The following SKAP2 variants were observed in gnomAD, a reference collection of about 807,000 sequenced individuals.
SKAP2 encodes src kinase associated phosphoprotein 2, also known as src kinase-associated phosphoprotein 2.
In SKAP2, 28 loss-of-function variants were observed where a neutral mutation model predicts 54.9. That is an observed-to-expected ratio of 0.51 (90% CI 0.38 to 0.70). The LOEUF (loss-of-function observed/expected upper bound fraction) is 0.70, where lower values mean the gene tolerates loss of function less well. Ranked by LOEUF, SKAP2 falls within the 30% of genes least tolerant of loss-of-function variation. The pLI is 0.00. For missense variants in SKAP2, 356 were observed against 424.1 expected (o/e 0.84, Z 1.41); for synonymous variants, 137 against 134.3 (o/e 1.02, Z -0.14).
intron 4 of SKAP2, among the ~76,000 whole-genome samples, chr7:26,781,590 T>C (rs10265607): frequency 0.077 from 11,702 of 152,290 alleles, 573 homozygotes; most frequent in Middle Eastern, 0.16. Context: ...GCATTCTCCC[T>C]AGGCTTTGTG....
intron 4 of SKAP2, among the ~76,000 whole-genome samples, chr7:26,806,193 T>C (rs1401310775): frequency 6.6e-6 from 1 of 152,162 alleles, no homozygotes; most frequent in Non-Finnish European, 1.5e-5. Flanking sequence ...ATAACAATAT[T>C]GAAATTAGGC....
At chr7:26,780,757 G>A (rs10246300) in intron 4 of SKAP2, among the ~76,000 whole-genome samples, 11,771 of 152,008 alleles carry the variant, frequency 0.077, 579 homozygotes, top group Middle Eastern at 0.16. Flanking sequence ...CAAAGTAATT[G>A]TGATCAGCTT....
At chr7:26,764,579 TTC>T (rs1398875741) in intron 4 of SKAP2, among the ~76,000 whole-genome samples, 6 of 152,082 alleles carry the variant, frequency 3.9e-5, no homozygotes, top group Non-Finnish European at 8.8e-5. Flanking sequence ...TCTTCTTTTT[TTC>T]TTTTATCTTT....
chr7:26,812,242 A>G (rs1404369122), intron 4 of SKAP2, among the ~76,000 whole-genome samples: 1 of 152,162 alleles, frequency 6.6e-6, no homozygotes, highest in Non-Finnish European at 1.5e-5. Flanking sequence ...AAATAGAGTG[A>G]TGGTCATATT....
At chr7:26,795,380 T>A (rs1783754494) in intron 4 of SKAP2, among the ~76,000 whole-genome samples, 1 of 152,218 alleles carries the variant, frequency 6.6e-6, no homozygotes, top group African/African-American at 2.4e-5. Context: ...TTGAATAAGA[T>A]CAAATTATCT....
At chr7:26,785,910 C>T (rs1481575146) in intron 4 of SKAP2, among the ~76,000 whole-genome samples, 1 of 152,178 alleles carries the variant, frequency 6.6e-6, no homozygotes, top group Non-Finnish European at 1.5e-5. Context: ...CCCATACAGG[C>T]CCTGGGAGCA....
intron 4 of SKAP2, among the ~76,000 whole-genome samples, chr7:26,825,270 C>A (rs1047757740): frequency 2.0e-5 from 3 of 152,100 alleles, no homozygotes; most frequent in African/African-American, 7.2e-5. Flanking sequence ...ATGTATCCTC[C>A]TTTTCCCCAC....
chr7:26,831,395 G>A (rs1423754564), intron 4 of SKAP2, among the ~76,000 whole-genome samples: 1 of 152,046 alleles, frequency 6.6e-6, no homozygotes, highest in Non-Finnish European at 1.5e-5. Context: ...TGTGTATATG[G>A]AATCCCTAAA....
At chr7:26,825,851 A>G (rs928016255) in intron 4 of SKAP2, among the ~76,000 whole-genome samples, 2 of 152,166 alleles carry the variant, frequency 1.3e-5, no homozygotes, top group Admixed American at 6.5e-5. Flanking sequence ...ATGTATATCT[A>G]TAACTATTAT....
chr7:26,796,889 C>T (rs1283006548), intron 4 of SKAP2, among the ~76,000 whole-genome samples: 1 of 152,130 alleles, frequency 6.6e-6, no homozygotes. Context: ...GTTGACATCC[C>T]TAAACCCTCA....
chr7:26,726,248 A>T (rs1281736163), intron 7 of SKAP2, among the ~76,000 whole-genome samples: 1 of 152,172 alleles, frequency 6.6e-6, no homozygotes, highest in Admixed American at 6.6e-5. Flanking sequence ...TGTCAAAGAC[A>T]GAACTGATGA....
At chr7:26,686,493 TTCA>T (rs1786643384) in intron 10 of SKAP2, among the ~76,000 whole-genome samples, 1 of 152,132 alleles carries the variant, frequency 6.6e-6, no homozygotes, top group South Asian at 2.1e-4. Context: ...GTGGCCACTC[TTCA>T]TTACATTTTT....
intron 4 of SKAP2, among the ~76,000 whole-genome samples, chr7:26,799,868 C>G (rs975794972): frequency 6.6e-6 from 1 of 152,030 alleles, no homozygotes. Flanking sequence ...CCTGTAATCC[C>G]AGCACTTTGG....
intron 4 of SKAP2, among the ~76,000 whole-genome samples, chr7:26,805,767 C>A (rs4722644): frequency 0.21 from 32,594 of 152,132 alleles, 3,586 homozygotes; most frequent in Non-Finnish European, 0.24. Flanking sequence ...TTCCCCAATG[C>A]TTGACTCACA....
chr7:26,712,495 T>C (rs912412291), intron 9 of SKAP2, among the ~76,000 whole-genome samples: 1 of 152,186 alleles, frequency 6.6e-6, no homozygotes, highest in African/African-American at 2.4e-5. Flanking sequence ...TCTTAACATA[T>C]TTTTGTTGAG....
At position 26,725,461 on chromosome 7, in the gene SKAP2, G is replaced by T; in HGVS notation, c.763C>A (p.Pro255Thr). The T allele has an allele frequency of 6.2e-7, 1 of 1,611,350 alleles. No homozygotes were observed. The highest frequency in any genetic ancestry group is 8.5e-7 in the Non-Finnish European group (1 of 1,179,148). Reference protein sequence around the residue: ...PISNPLTSSQPIDDEIYEELP... With the variant: ...PISNPLTSSQTIDDEIYEELP... ...TCTTCATAAATTTCATCATCTATTG[G>T]TTGACTGCTTGTTAGTGGATTGCTT... is the stretch of plus-strand genomic sequence containing the variant. The change falls in exon 9 of 13, where the codon CCA becomes ACA. Residue 255 changes from proline (P) to threonine (T), a missense_variant. Transcript: ENST00000345317.
At chr7:26,847,431 T>C (rs1784947383) in intron 3 of SKAP2, among the ~76,000 whole-genome samples, 2 of 151,920 alleles carry the variant, frequency 1.3e-5, no homozygotes, top group African/African-American at 4.8e-5. Flanking sequence ...TACTGTTGAG[T>C]AGTGCAAAGC....
At chr7:26,766,702 CT>C (rs1783064692) in intron 4 of SKAP2, among the ~76,000 whole-genome samples, 1 of 151,928 alleles carries the variant, frequency 6.6e-6, no homozygotes, top group African/African-American at 2.4e-5. Context: ...TATTGAAGGC[CT>C]TTTCTGCATC....
rs112779838 is a variant in SKAP2 at position 26,691,861 on chromosome 7, G to T, written c.797-1499C>A. On this transcript the variant is annotated intron_variant, in intron 9 of 12. Transcript: ENST00000345317. ...GACTAAAGAATCTGGTACACATAGG[G>T]GAAGAGCTGGGTAGGAGTTACGCTC... Among the ~76,000 whole-genome samples the T allele has an allele frequency of 8.6e-3, 1,310 of 152,318 alleles. 7 individuals carry two copies. The highest frequency in any genetic ancestry group is 0.015 in the Non-Finnish European group (1,036 of 68,028).
Sources: gnomAD v4.1 joint callset for allele counts (sites outside exome capture counted in the v4.1 genomes callset) on GRCh38, gnomAD v4.1.1 for gene constraint, MANE v1.5 for transcripts, NCBI Gene and HGNC (gene_info 2026-07-23, HGNC 2026-07-21) for gene names.